The following ADAMTS3 variants were observed in gnomAD, a reference collection of about 807,000 sequenced individuals.
ADAMTS3 encodes ADAM metallopeptidase with thrombospondin type 1 motif 3, also known as A disintegrin and metalloproteinase with thrombospondin motifs 3.
A neutral mutation model predicts 129.0 loss-of-function variants in ADAMTS3; 73 were observed. The observed-to-expected ratio is 0.57, with a 90% CI of 0.47 to 0.69. The LOEUF (loss-of-function observed/expected upper bound fraction) is 0.69, where lower values mean the gene tolerates loss of function less well. Ranked by LOEUF, ADAMTS3 falls within the 30% of genes least tolerant of loss-of-function variation. ADAMTS3 has a pLI of 0.00. For missense variants in ADAMTS3, 1,457 were observed against 1,514.5 expected (o/e 0.96, Z 0.63); for synonymous variants, 477 against 510.8 (o/e 0.93, Z 0.89).
At chr4:72,439,883 A>C (rs1374829130) in intron 3 of ADAMTS3, among the ~76,000 whole-genome samples, 1 of 151,644 alleles carries the variant, frequency 6.6e-6, no homozygotes, top group Non-Finnish European at 1.5e-5. Context: ...TTTTCTAAAA[A>C]AAAGTTGCTT....
intron 3 of ADAMTS3, among the ~76,000 whole-genome samples, chr4:72,446,116 G>A (rs1718246545): frequency 6.6e-6 from 1 of 151,630 alleles, no homozygotes; most frequent in African/African-American, 2.4e-5. Context: ...ACTTTCAATT[G>A]TCCTACCTTG....
At chr4:72,502,181 T>A (rs543302291) in intron 3 of ADAMTS3, among the ~76,000 whole-genome samples, 1 of 152,202 alleles carries the variant, frequency 6.6e-6, no homozygotes, top group Admixed American at 6.5e-5. Context: ...GTAGTTACAG[T>A]ATGATTAGTG....
intron 4 of ADAMTS3, among the ~76,000 whole-genome samples, chr4:72,383,034 C>T (rs190466252): frequency 6.6e-6 from 1 of 151,982 alleles, no homozygotes; most frequent in Non-Finnish European, 1.5e-5. Flanking sequence ...AATAAATAAG[C>T]ACATAAATAA....
At chr4:72,456,634 A>G (rs770398798) in intron 3 of ADAMTS3, among the ~76,000 whole-genome samples, 10 of 151,326 alleles carry the variant, frequency 6.6e-5, no homozygotes, top group Non-Finnish European at 1.0e-4. Context: ...AAAATGCCGC[A>G]TAACTCACAT....
chr4:72,479,101 G>T (rs115232084), intron 3 of ADAMTS3, among the ~76,000 whole-genome samples: 1 of 152,142 alleles, frequency 6.6e-6, no homozygotes, highest in African/African-American at 2.4e-5. Context: ...TCAATATCCT[G>T]AGAATGGCCA....
chr4:72,560,980 T>C (rs1721889405), intron 2 of ADAMTS3, among the ~76,000 whole-genome samples: 1 of 152,222 alleles, frequency 6.6e-6, no homozygotes, highest in Non-Finnish European at 1.5e-5. Flanking sequence ...ACAGTGTCTG[T>C]GCTCCTGACC....
At chr4:72,473,813 C>T (rs954669615) in intron 3 of ADAMTS3, among the ~76,000 whole-genome samples, 2 of 152,174 alleles carry the variant, frequency 1.3e-5, no homozygotes, top group Non-Finnish European at 2.9e-5. Flanking sequence ...TCACTCTTTC[C>T]CCTCCCCACT....
chr4:72,517,359 T>C (rs1182451999), intron 3 of ADAMTS3, among the ~76,000 whole-genome samples: 1 of 152,208 alleles, frequency 6.6e-6, no homozygotes, highest in Non-Finnish European at 1.5e-5. Context: ...ATAAAATGAG[T>C]TAGGGAGGAT....
At chr4:72,521,151 C>T (rs981475481) in intron 3 of ADAMTS3, among the ~76,000 whole-genome samples, 4 of 152,012 alleles carry the variant, frequency 2.6e-5, no homozygotes, top group Non-Finnish European at 4.4e-5. Context: ...GTTCCTGCCA[C>T]CACCCCCAGC....
At chr4:72,517,949 T>G (rs1720541711) in intron 3 of ADAMTS3, among the ~76,000 whole-genome samples, 1 of 151,188 alleles carries the variant, frequency 6.6e-6, no homozygotes, top group African/African-American at 2.4e-5. Context: ...TTTTGGATCT[T>G]TCCTGCTTTC....
intron 17 of ADAMTS3, among the ~76,000 whole-genome samples, chr4:72,302,956 C>A (rs1226542832): frequency 1.3e-5 from 2 of 152,154 alleles, no homozygotes; most frequent in African/African-American, 4.8e-5. Context: ...CCCTCTGATG[C>A]CAAACACAAA....
At chr4:72,451,223 G>A (rs562433434) in intron 3 of ADAMTS3, among the ~76,000 whole-genome samples, 1 of 151,794 alleles carries the variant, frequency 6.6e-6, no homozygotes, top group Admixed American at 6.6e-5. Flanking sequence ...CCCAATCCTG[G>A]CTGAATCTTA....
At chr4:72,298,631 C>T (rs539181241) in intron 17 of ADAMTS3, among the ~76,000 whole-genome samples, 189 bp from the exon 18 acceptor site, 4 of 151,918 alleles carry the variant, frequency 2.6e-5, no homozygotes, top group Admixed American at 2.6e-4. Flanking sequence ...GATGAAGTAT[C>T]TATAAAACTT....
At chr4:72,290,214 G>T (rs1718619224) in intron 20 of ADAMTS3, among the ~76,000 whole-genome samples, 1 of 152,188 alleles carries the variant, frequency 6.6e-6, no homozygotes, top group African/African-American at 2.4e-5. Context: ...TGAGAAATGT[G>T]TGTACTAGTG....
intron 3 of ADAMTS3, among the ~76,000 whole-genome samples, chr4:72,501,316 A>T (rs1288937542): frequency 6.6e-6 from 1 of 152,098 alleles, no homozygotes; most frequent in African/African-American, 2.4e-5. Context: ...TTGTCCTTGT[A>T]GAGCTCTTTC....
At chr4:72,471,141 C>G (rs1009376029) in intron 3 of ADAMTS3, among the ~76,000 whole-genome samples, 1 of 152,026 alleles carries the variant, frequency 6.6e-6, no homozygotes, top group Admixed American at 6.6e-5. Context: ...CGTGAGCCTG[C>G]CTTTTCAAGG....
At chr4:72,422,315 T>C (rs1722466640) in intron 3 of ADAMTS3, among the ~76,000 whole-genome samples, 1 of 152,116 alleles carries the variant, frequency 6.6e-6, no homozygotes, top group Non-Finnish European at 1.5e-5. Flanking sequence ...TAAATTTCCC[T>C]ATATAACATA....
At chr4:72,310,682 A>C (rs972946231) in intron 14 of ADAMTS3, among the ~76,000 whole-genome samples, 1 of 152,236 alleles carries the variant, frequency 6.6e-6, no homozygotes, top group Non-Finnish European at 1.5e-5. Context: ...CAAAAGATTA[A>C]ATATACTTAG....
At chr4:72,448,922 T>C (rs924647097) in intron 3 of ADAMTS3, among the ~76,000 whole-genome samples, 11 of 151,786 alleles carry the variant, frequency 7.2e-5, no homozygotes, top group African/African-American at 2.7e-4. Context: ...CCAGTCAAAT[T>C]AGTACCTAAG....
Sources: allele counts gnomAD v4.1 joint callset (sites outside exome capture counted in the v4.1 genomes callset), GRCh38; gene constraint gnomAD v4.1.1; transcripts MANE v1.5; gene names NCBI Gene and HGNC (gene_info 2026-07-23, HGNC 2026-07-21).